Variants in PCDHGB7 observed in about 807,000 individuals in gnomAD.
PCDHGB7 encodes protocadherin gamma-B7.
A neutral mutation model predicts 61.4 loss-of-function variants in PCDHGB7; 37 were observed. The ratio of observed to expected loss-of-function variants is 0.60; its 90% CI spans 0.46 to 0.79. The LOEUF (loss-of-function observed/expected upper bound fraction) is 0.79, where lower values mean the gene tolerates loss of function less well. PCDHGB7 is among the 30% of genes least tolerant of loss of function. PCDHGB7 has a pLI of 0.00. For missense variants in PCDHGB7, 1,166 were observed against 1,202.5 expected (o/e 0.97, Z 0.45); for synonymous variants, 464 against 503.5 (o/e 0.92, Z 1.05).
chr5:141,422,785 T>C, intron 1 of PCDHGB7: 1 of 1,614,146 alleles, frequency 6.2e-7, no homozygotes, highest in Non-Finnish European at 8.5e-7. Flanking sequence ...TGCCCTACAA[T>C]CCTTCGACTA....
Position 141,489,699 on chromosome 5 carries a change from A to G in PCDHGB7, c.2416-5108A>G. ...CAGCAGCATCTGGGGCACGATTCCC[A>G]CTGGACAGTGCCCAGGATCCGGATG... is the stretch of plus-strand genomic sequence containing the variant. On this transcript the variant is annotated intron_variant, in intron 1 of 3. Transcript: ENST00000398594. The surrounding 1 kb of genome is among the most constrained non-coding windows in gnomAD (Gnocchi z 4.5). The G allele has an allele frequency of 6.2e-7, 1 of 1,614,102 alleles. No homozygotes were observed. The highest frequency in any genetic ancestry group is 8.5e-7 in the Non-Finnish European group (1 of 1,179,956).
intron 3 of PCDHGB7, among the ~76,000 whole-genome samples, chr5:141,510,424 C>T (rs2154594619): frequency 6.6e-6 from 1 of 152,236 alleles, no homozygotes; most frequent in South Asian, 2.1e-4. Flanking sequence ...GCCATGGTTT[C>T]ATGGCTGCTG....
chr5:141,438,072 A>C (rs761630845), intron 1 of PCDHGB7, among the ~76,000 whole-genome samples: 1 of 152,158 alleles, frequency 6.6e-6, no homozygotes, highest in Non-Finnish European at 1.5e-5. Flanking sequence ...AACCATACTT[A>C]ATGGAAAATT....
chr5:141,432,413 G>C lies in PCDHGB7; in HGVS notation c.2415+12139G>C, dbSNP rs369816901. 9 of 1,614,114 alleles carry C rather than the reference G, an allele frequency of 5.6e-6. No homozygotes were observed. The highest frequency in any genetic ancestry group is 1.3e-5 in the African/African-American group (1 of 74,946). ...CAGCAACGTGTCGTTGAGCCTGTTCGTGCTGGACCAGAACGACAATGCGCC... is the reference window on the plus strand; with the variant it reads ...CAGCAACGTGTCGTTGAGCCTGTTCCTGCTGGACCAGAACGACAATGCGCC... On this transcript the variant is annotated intron_variant, in intron 1 of 3. Coordinates refer to ENST00000398594, the MANE Select transcript of PCDHGB7 (RefSeq NM_018927.4). This position sits in a 1 kb window ranked among gnomAD's most constrained non-coding sequence, Gnocchi z 6.0.
rs1191643556 is a variant in PCDHGB7, at chr5:141,486,302, C to T, written c.2416-8505C>T. The T allele has an allele frequency of 2.5e-6, 4 of 1,613,918 alleles. No individual in the cohort carries two copies. The highest frequency in any genetic ancestry group is 3.4e-6 in the Non-Finnish European group (4 of 1,180,002). Reference sequence around the variant, plus strand: ...GGTGGCACTTATCAGTGTGCAGGATCCAGACTCAGGGTCAAACGGAGATGT... The same window carrying T: ...GGTGGCACTTATCAGTGTGCAGGATTCAGACTCAGGGTCAAACGGAGATGT... On this transcript the variant is annotated intron_variant, in intron 1 of 3. Coordinates refer to ENST00000398594, the MANE Select transcript of PCDHGB7 (RefSeq NM_018927.4). This position sits in a 1 kb window ranked among gnomAD's most constrained non-coding sequence, Gnocchi z 5.0.
intron 1 of PCDHGB7, among the ~76,000 whole-genome samples, chr5:141,429,712 C>T (rs998121271): frequency 1.3e-5 from 2 of 151,994 alleles, no homozygotes; most frequent in African/African-American, 2.4e-5. Flanking sequence ...TAAATATTTA[C>T]GCTCATGAAA....
At position 141,491,466 on chromosome 5, in the gene PCDHGB7, T is replaced by C; in HGVS notation, c.2416-3341T>C. The C allele has an allele frequency of 6.2e-7, 1 of 1,614,068 alleles. No homozygotes were observed. The highest frequency in any genetic ancestry group is 8.5e-7 in the Non-Finnish European group (1 of 1,179,986). ...AGGACTCACCCTCCCCGGACTTCTA[T>C]AAGCAGTCCAGCCCCAACCTGCAGG... On this transcript the variant is annotated intron_variant, in intron 1 of 3. Transcript: ENST00000398594. The surrounding 1 kb of genome is among the most constrained non-coding windows in gnomAD (Gnocchi z 6.9).
chr5:141,510,954 T>G lies in PCDHGB7; in HGVS notation c.2571T>G (p.Ala857=), dbSNP rs774590102. The change falls in exon 4 of 4, where the codon GCT becomes GCG. Residue 857 remains alanine, a synonymous_variant. Coordinates refer to ENST00000398594, the MANE Select transcript of PCDHGB7 (RefSeq NM_018927.4). ...AMILASASEA[A]DGSSTLGGGA... ...CTTCCTCTGTCTCTGCAGAAGCTGC[T>G]GATGGGAGCTCCACCCTGGGAGGGG... is the stretch of plus-strand genomic sequence containing the variant. The G allele has an allele frequency of 3.1e-6, 5 of 1,614,162 alleles. No homozygotes were observed. The Admixed American group carries it at 8.3e-5, about 27-fold the overall frequency.
In PCDHGB7 at chr5:141,476,585, G is replaced by C; in HGVS notation, c.2416-18222G>C. 6.2e-7 allele frequency: 1 copy of C among 1,614,214 alleles called. No homozygotes were observed. The highest frequency in any genetic ancestry group is 8.5e-7 in the Non-Finnish European group (1 of 1,180,040). On this transcript the variant is annotated intron_variant, in intron 1 of 3. Coordinates refer to ENST00000398594, the MANE Select transcript of PCDHGB7 (RefSeq NM_018927.4). The surrounding 1 kb of genome is among the most constrained non-coding windows in gnomAD (Gnocchi z 7.6). ...GGCTCCGGGGACGCGCTTTCCGCTC[G>C]AGAGCGCGCACGATCCCGATGTGGG...
intron 1 of PCDHGB7, chr5:141,422,778 C>T (rs1041081332): frequency 1.9e-6 from 3 of 1,613,932 alleles, no homozygotes; most frequent in Admixed American, 1.7e-5. Flanking sequence ...TTCTCTATGC[C>T]CTACAATCCT....
chr5:141,502,062 A>G (rs530211521), intron 2 of PCDHGB7, among the ~76,000 whole-genome samples: 2 of 152,146 alleles, frequency 1.3e-5, no homozygotes, highest in South Asian at 4.2e-4. Flanking sequence ...TATTCCCATT[A>G]GCCCCCTTCA....
In PCDHGB7 at chr5:141,477,963, A is replaced by C; in HGVS notation, c.2416-16844A>C. ...TACAGTCTCTTGGGATCCCCTAACC[A>C]GAGCCTTTTTGCCATAGGGCTGCAC... On this transcript the variant is annotated intron_variant, in intron 1 of 3. Coordinates refer to ENST00000398594, the MANE Select transcript of PCDHGB7 (RefSeq NM_018927.4). The surrounding 1 kb of genome is among the most constrained non-coding windows in gnomAD (Gnocchi z 4.9). The C allele has an allele frequency of 1.2e-6, 2 of 1,614,118 alleles. No individual in the cohort carries two copies. The highest frequency in any genetic ancestry group is 1.7e-6 in the Non-Finnish European group (2 of 1,180,024).
chr5:141,489,314 G>T lies in PCDHGB7; in HGVS notation c.2416-5493G>T. ...TGCATGTTGTCCTTGTGCTGCTGGG[G>T]CTGGGTGTCTGGGCAGCTTCGTTAC... On this transcript the variant is annotated intron_variant, in intron 1 of 3. Transcript: ENST00000398594. This position sits in a 1 kb window ranked among gnomAD's most constrained non-coding sequence, Gnocchi z 4.5. 6.3e-7 allele frequency: 1 copy of T among 1,596,908 alleles called. No individual in the cohort carries two copies. The highest frequency in any genetic ancestry group is 8.5e-7 in the Non-Finnish European group (1 of 1,170,694).
At chr5:141,460,965 G>A (rs1398642676) in intron 1 of PCDHGB7, among the ~76,000 whole-genome samples, 21 of 114,476 alleles carry the variant, frequency 1.8e-4, no homozygotes, top group African/African-American at 8.5e-4. Flanking sequence ...ATATATATGT[G>A]TGTGTGTGTG....
At chr5:141,499,343 G>C (rs1184175548) in intron 2 of PCDHGB7, among the ~76,000 whole-genome samples, 1 of 152,146 alleles carries the variant, frequency 6.6e-6, no homozygotes, top group Non-Finnish European at 1.5e-5. Context: ...AGTTTGGGCA[G>C]TCATTCAACA....
rs779392461 is a variant in PCDHGB7, at chr5:141,428,623, TC to T, written c.2415+8350del. 3.1e-5 allele frequency: 6 copies of T among 193,516 alleles called. No individual in the cohort carries two copies. In the East Asian group the frequency reaches 5.4e-4, roughly 17 times the overall value. 12.0% of individuals were successfully genotyped at this position (193,516 alleles called of 1,614,324 possible). ...CACTGAAGAGAATAACAAGATAAGC[TC>T]TAACTCTGTTGCTCCTACTCACGTG... On this transcript the variant is annotated intron_variant, in intron 1 of 3. Coordinates refer to ENST00000398594, the MANE Select transcript of PCDHGB7 (RefSeq NM_018927.4).
At chr5:141,430,767 C>T in intron 1 of PCDHGB7, 1 of 1,506,782 alleles carries the variant, frequency 6.6e-7, no homozygotes, top group Non-Finnish European at 8.9e-7. Flanking sequence ...AGAATGATTC[C>T]TGCGCGACTG....
chr5:141,433,397 A>ATCTG (rs1179042498), intron 1 of PCDHGB7, among the ~76,000 whole-genome samples: 9 of 150,410 alleles, frequency 6.0e-5, no homozygotes, highest in Non-Finnish European at 1.0e-4. Context: ...CTATCTATCT[A>ATCTG]TCTATCTATT....
rs539348000 is a variant in PCDHGB7 at position 141,504,908 on chromosome 5, G to A, written c.2475-485G>A. 5.9e-5 allele frequency among the ~76,000 whole-genome samples: 9 copies of A among 152,208 alleles called. No homozygotes were observed. In the East Asian group the frequency reaches 1.7e-3, roughly 29 times the overall value. On this transcript the variant is annotated intron_variant, in intron 2 of 3. Coordinates refer to ENST00000398594, the MANE Select transcript of PCDHGB7 (RefSeq NM_018927.4). Reference sequence around the variant, plus strand: ...AGGTCTGATCTCCCTCACTATGACAGGAAGCCAGGCTCTCTCATGGTGGGT... The same window carrying A: ...AGGTCTGATCTCCCTCACTATGACAAGAAGCCAGGCTCTCTCATGGTGGGT...
Sources: gnomAD v4.1 joint callset for allele counts (sites outside exome capture counted in the v4.1 genomes callset) on GRCh38, gnomAD v4.1.1 for gene constraint, Gnocchi (gnomAD v3.1) non-coding constraint, MANE v1.5 for transcripts, NCBI Gene and HGNC (gene_info 2026-07-23, HGNC 2026-07-21) for gene names.